RAD51B: variants seen among roughly 807,000 people sequenced by gnomAD.
The protein encoded by RAD51B is RAD51 paralog B.
A neutral mutation model predicts 42.2 loss-of-function variants in RAD51B; 38 were observed. The observed-to-expected ratio is 0.90, with a 90% CI of 0.70 to 1.18. RAD51B has a LOEUF of 1.18. RAD51B is among the 50% of genes most tolerant of loss of function. The pLI is 0.00. For synonymous variants in RAD51B, 154 were observed against 145.2 expected (o/e 1.06, Z -0.43); for missense variants, 373 against 400.7 (o/e 0.93, Z 0.59).
intron 10 of RAD51B, among the ~76,000 whole-genome samples, chr14:68,624,738 C>T (rs762630574): frequency 3.3e-5 from 5 of 152,164 alleles, no homozygotes; most frequent in Non-Finnish European, 5.9e-5. Context: ...GACTCCTGCG[C>T]GATCCTCTCA....
intron 7 of RAD51B, among the ~76,000 whole-genome samples, chr14:68,252,674 A>G (rs1006562086): frequency 2.6e-5 from 4 of 152,246 alleles, no homozygotes; most frequent in African/African-American, 9.6e-5. Context: ...CATACTGAAT[A>G]TATACATACA....
At chr14:68,438,339 G>T (rs1414897862) in intron 9 of RAD51B, among the ~76,000 whole-genome samples, 1 of 152,178 alleles carries the variant, frequency 6.6e-6, no homozygotes, top group African/African-American at 2.4e-5. Context: ...AGATCTGGAA[G>T]GGTGTGGGAA....
intron 9 of RAD51B, among the ~76,000 whole-genome samples, chr14:68,423,396 A>G (rs1354851596): frequency 1.3e-5 from 2 of 152,160 alleles, no homozygotes; most frequent in Non-Finnish European, 2.9e-5. Context: ...ACTTTGTACC[A>G]GTTATTCTGC....
At chr14:68,647,347 T>C (rs946011306) in intron 10 of RAD51B, among the ~76,000 whole-genome samples, 2 of 152,378 alleles carry the variant, frequency 1.3e-5, no homozygotes, top group East Asian at 1.9e-4. Flanking sequence ...TTGTTTTGTC[T>C]CTAAGGAGAA....
intron 8 of RAD51B, among the ~76,000 whole-genome samples, chr14:68,337,605 A>T (rs2082483482): frequency 6.6e-6 from 1 of 151,920 alleles, no homozygotes; most frequent in Admixed American, 6.6e-5. Flanking sequence ...TCTCAGGTGG[A>T]GGTTTTTAAA....
intron 7 of RAD51B, among the ~76,000 whole-genome samples, chr14:67,903,815 T>C (rs2043690271): frequency 6.6e-6 from 1 of 152,156 alleles, no homozygotes. Flanking sequence ...GTAAATTGCA[T>C]GTTGTGGGGG....
At chr14:68,344,946 C>CAAAAAAAAA (rs34579667) in intron 8 of RAD51B, among the ~76,000 whole-genome samples, 5 of 113,284 alleles carry the variant, frequency 4.4e-5, no homozygotes, top group Non-Finnish European at 5.4e-5. Context: ...GACTCAATCT[C>CAAAAAAAAA]AAAAAAAAAA....
chr14:68,229,962 C>T (rs1032041842), intron 7 of RAD51B, among the ~76,000 whole-genome samples: 24 of 152,206 alleles, frequency 1.6e-4, no homozygotes, highest in African/African-American at 5.8e-4. Context: ...TCATTTCCTA[C>T]TAAAATTTTC....
intron 4 of RAD51B, among the ~76,000 whole-genome samples, chr14:67,862,819 CTTTTATA>C (rs1360852691): frequency 6.6e-6 from 1 of 151,916 alleles, no homozygotes; most frequent in East Asian, 1.9e-4. Flanking sequence ...GCAAACAGAT[CTTTTATA>C]TAAGTAATAA....
At chr14:68,288,125 G>C (rs999043259) in intron 7 of RAD51B, among the ~76,000 whole-genome samples, 2 of 152,168 alleles carry the variant, frequency 1.3e-5, no homozygotes, top group Non-Finnish European at 1.5e-5. Flanking sequence ...ACTGTGTTGA[G>C]TCTGTTTATA....
intron 7 of RAD51B, among the ~76,000 whole-genome samples, chr14:68,085,669 G>T (rs1251593680): frequency 1.3e-5 from 2 of 152,194 alleles, no homozygotes; most frequent in African/African-American, 4.8e-5. Context: ...AGTAAATTTG[G>T]TTAAAGAGTT....
intron 10 of RAD51B, among the ~76,000 whole-genome samples, chr14:68,593,432 G>T (rs555770251): frequency 6.6e-6 from 1 of 152,244 alleles, no homozygotes; most frequent in South Asian, 2.1e-4. Flanking sequence ...GAAGCTGCAG[G>T]TAGGGGACAA....
At chr14:68,164,694 G>A (rs2078714280) in intron 7 of RAD51B, among the ~76,000 whole-genome samples, 2 of 152,188 alleles carry the variant, frequency 1.3e-5, no homozygotes, top group Admixed American at 1.3e-4. Context: ...TGCTCTGAGT[G>A]TGTTTGGGAG....
At chr14:67,976,797 A>C (rs1236353548) in intron 7 of RAD51B, among the ~76,000 whole-genome samples, 1 of 152,208 alleles carries the variant, frequency 6.6e-6, no homozygotes, top group South Asian at 2.1e-4. Context: ...AATGGGAGAA[A>C]ATTTTTGCAA....
At chr14:68,011,702 T>G (rs1225257099) in intron 7 of RAD51B, among the ~76,000 whole-genome samples, 4 of 152,070 alleles carry the variant, frequency 2.6e-5, no homozygotes, top group African/African-American at 9.7e-5. Context: ...TGAACCTGTT[T>G]TTGTTCTGAT....
chr14:68,488,149 G>A (rs1256658503), intron 10 of RAD51B, among the ~76,000 whole-genome samples: 1 of 150,662 alleles, frequency 6.6e-6, no homozygotes, highest in East Asian at 1.9e-4. Context: ...CTTTGGCAGT[G>A]TGTTGATGGC....
intron 10 of RAD51B, among the ~76,000 whole-genome samples, chr14:68,647,607 G>A (rs969589337): frequency 2.0e-5 from 3 of 152,136 alleles, no homozygotes; most frequent in African/African-American, 7.2e-5. Context: ...GAATTAAGAT[G>A]AATACACACA....
chr14:68,622,881 A>T (rs1891985352), intron 10 of RAD51B, among the ~76,000 whole-genome samples: 1 of 151,922 alleles, frequency 6.6e-6, no homozygotes, highest in East Asian at 1.9e-4. Flanking sequence ...AGTCTTCTAG[A>T]CTCGCCCCCT....
Position 68,477,777 on chromosome 14 carries a change from G to T in RAD51B, c.*113G>T. ...CTGACATAATGGGGATTAATTAGTT[G>T]ATTGCTGTTGAGATGGTAACAGATT... On this transcript the variant is annotated 3_prime_UTR_variant, in exon 11 of 11. Coordinates refer to ENST00000471583, the MANE Select transcript of RAD51B (RefSeq NM_133510.4). 1 of 1,548,782 alleles carries T rather than the reference G, an allele frequency of 6.5e-7. No individual in the cohort carries two copies. Among genetic ancestry groups the T allele is most frequent in the Admixed American group, 2.3e-5 (1 of 44,002 alleles).
Sources: gnomAD v4.1 joint callset for allele counts (sites outside exome capture counted in the v4.1 genomes callset) on GRCh38, gnomAD v4.1.1 for gene constraint, MANE v1.5 for transcripts, NCBI Gene and HGNC (gene_info 2026-07-23, HGNC 2026-07-21) for gene names.